NFIB: variants seen among roughly 807,000 people sequenced by gnomAD.
NFIB encodes the protein nuclear factor I B.
Under a neutral mutation model 61.5 loss-of-function variants are expected in NFIB, and 11 were observed. The ratio of observed to expected loss-of-function variants is 0.18; its 90% CI spans 0.11 to 0.30. The LOEUF (loss-of-function observed/expected upper bound fraction) is 0.30, where lower values mean the gene tolerates loss of function less well. NFIB is among the 10% of genes least tolerant of loss of function. NFIB has a pLI of 1.00. For missense variants in NFIB, 471 were observed against 608.9 expected (o/e 0.77, Z 2.38); for synonymous variants, 260 against 216.5 (o/e 1.20, Z -1.76).
chr9:14,085,147 T>TG lies in NFIB; in HGVS notation c.*3161dup, dbSNP rs575441582. On this transcript the variant is annotated 3_prime_UTR_variant, in exon 11 of 11. Coordinates refer to ENST00000380953, the MANE Select transcript of NFIB (RefSeq NM_001190737.2). The stretch of plus-strand genomic sequence containing the variant: ...TTGCACTGCTAGGATCCCGCTGTGC[T>TG]GTTCAGCATTTGGGCTATCAAACTG... The TG allele has an allele frequency of 3.7e-4, 84 of 229,792 alleles. No homozygotes were observed. The highest frequency in any genetic ancestry group is 1.6e-3 in the African/African-American group (73 of 45,290). 14.2% of individuals were successfully genotyped at this position (229,792 alleles called of 1,614,324 possible). A position where few individuals can be genotyped will look rare whatever the true frequency, so the allele number is the denominator to read the frequency against.
In NFIB at chr9:14,085,937, G is replaced by C. The variant is rs1449613317; in HGVS notation, c.*2372C>G. On this transcript the variant is annotated 3_prime_UTR_variant, in exon 11 of 11. Transcript: ENST00000380953. The stretch of plus-strand genomic sequence containing the variant: ...TTCAACAAATATTTTTGCCAAATAT[G>C]AGACAGGCTCACTCTCCACTGTGGA... 1 of 228,512 alleles carries C rather than the reference G, an allele frequency of 4.4e-6. No individual in the cohort carries two copies. Among genetic ancestry groups the C allele is most frequent in the Non-Finnish European group, 8.7e-6 (1 of 115,034 alleles). The allele number at this position is 228,512 out of a possible 1,614,324, so 14.2% of individuals were successfully genotyped here.
chr9:14,379,977 C>G (rs937577680), intron 1 of NFIB, among the ~76,000 whole-genome samples: 1 of 148,386 alleles, frequency 6.7e-6, no homozygotes, highest in African/African-American at 2.5e-5. Flanking sequence ...GCCACCGCAC[C>G]CAGTCAGATT....
chr9:14,232,561 G>C (rs1359050835), intron 2 of NFIB, among the ~76,000 whole-genome samples: 1 of 152,178 alleles, frequency 6.6e-6, no homozygotes, highest in Non-Finnish European at 1.5e-5. Flanking sequence ...TAAGACAAGG[G>C]AGACAGGAAG....
intron 2 of NFIB, among the ~76,000 whole-genome samples, chr9:14,258,338 G>A (rs1265116950): frequency 6.6e-6 from 1 of 152,212 alleles, no homozygotes; most frequent in Non-Finnish European, 1.5e-5. Flanking sequence ...AACTTTTGCT[G>A]GTGGGTGAGA....
At chr9:14,292,691 T>G (rs1291036801) in intron 2 of NFIB, among the ~76,000 whole-genome samples, 2 of 152,184 alleles carry the variant, frequency 1.3e-5, no homozygotes, top group East Asian at 1.9e-4. Flanking sequence ...TCTCTTCCAC[T>G]TCAGCAAGCT....
chr9:14,398,584 T>G, exon 1 of NFIB: 4 of 1,535,222 alleles, frequency 2.6e-6, no homozygotes, highest in Non-Finnish European at 3.5e-6. Context: ...ATTTCAGAAC[T>G]GCACAGCAGA....
At chr9:14,136,561 A>T (rs1563822608) in intron 6 of NFIB, among the ~76,000 whole-genome samples, 1 of 152,224 alleles carries the variant, frequency 6.6e-6, no homozygotes, top group African/African-American at 2.4e-5. Context: ...CCATACATTT[A>T]AAAACATTTA....
chr9:14,381,645 T>C (rs1465539133), intron 1 of NFIB, among the ~76,000 whole-genome samples: 1 of 152,196 alleles, frequency 6.6e-6, no homozygotes, highest in African/African-American at 2.4e-5. Context: ...GTGTGCACTG[T>C]GTGGAAGAAG....
chr9:14,307,650 C>A lies in NFIB; in HGVS notation c.31-130G>T. 3.4e-6 allele frequency: 3 copies of A among 875,564 alleles called. No individual in the cohort carries two copies. The highest frequency in any genetic ancestry group is 3.3e-6 in the Non-Finnish European group (2 of 609,586). The allele number at this position is 875,564 out of a possible 1,614,324, so 54.2% of individuals were successfully genotyped here. A position where few individuals can be genotyped will look rare whatever the true frequency, so the allele number is the denominator to read the frequency against. On this transcript the variant is annotated intron_variant, in intron 1 of 10. Transcript: ENST00000380953. This position sits in a 1 kb window ranked among gnomAD's most constrained non-coding sequence, Gnocchi z 5.3. ...AAAAGTTATACATGAAAATAACATT[C>A]CTTTCTTATTTAAAATTATCAAAAT...
At chr9:14,101,418 A>G (rs2118831560) in intron 10 of NFIB, among the ~76,000 whole-genome samples, 1 of 152,330 alleles carries the variant, frequency 6.6e-6, no homozygotes, top group East Asian at 1.9e-4. Context: ...ATTCTTTAAA[A>G]TCTACTCTTC....
At chr9:14,473,163 C>A in the NFIB span, among the ~76,000 whole-genome samples, 1 of 152,296 alleles carries the variant, frequency 6.6e-6, no homozygotes, top group South Asian at 2.1e-4. Flanking sequence ...TGCAGAATCT[C>A]CCTCAATATT....
At chr9:14,283,202 C>T (rs2058491712) in intron 2 of NFIB, among the ~76,000 whole-genome samples, 1 of 152,136 alleles carries the variant, frequency 6.6e-6, no homozygotes, top group African/African-American at 2.4e-5. Flanking sequence ...AACGAACTGA[C>T]ATAACTGGGT....
At chr9:14,310,976 A>G (rs545695238) in intron 1 of NFIB, among the ~76,000 whole-genome samples, 14 of 152,270 alleles carry the variant, frequency 9.2e-5, no homozygotes, top group African/African-American at 3.4e-4. Flanking sequence ...TACCTAAAGA[A>G]CTTAAAAGCA....
intron 7 of NFIB, among the ~76,000 whole-genome samples, chr9:14,123,792 C>T (rs1314851714): frequency 6.6e-6 from 1 of 151,818 alleles, no homozygotes; most frequent in Non-Finnish European, 1.5e-5. Flanking sequence ...CCAGTTTGCC[C>T]CTCTGCCTTC....
In NFIB at chr9:14,105,605, GT is replaced by G. The variant is rs559718385; in HGVS notation, c.1467+7393del. 1.1e-4 allele frequency among the ~76,000 whole-genome samples: 16 copies of G among 152,220 alleles called. No individual in the cohort carries two copies. The South Asian group carries it at 3.1e-3, about 30-fold the overall frequency. On this transcript the variant is annotated intron_variant, in intron 10 of 10. Coordinates refer to ENST00000380953, the MANE Select transcript of NFIB (RefSeq NM_001190737.2). ...CTCCCTGATAAAGTGAAATTTTAAA[GT>G]GATGGTATGGGTGGGGGATGCAATT...
At chr9:14,426,736 T>A in the NFIB span, among the ~76,000 whole-genome samples, 2 of 152,178 alleles carry the variant, frequency 1.3e-5, no homozygotes, top group Admixed American at 1.3e-4. Context: ...TAAATCCATT[T>A]GTATCCTCCT....
At chr9:14,199,776 A>AT (rs143726750) in intron 2 of NFIB, among the ~76,000 whole-genome samples, 6,020 of 149,862 alleles carry the variant, frequency 0.04, 263 homozygotes, top group African/African-American at 0.11. Flanking sequence ...TCCAGGATCC[A>AT]TTTTTTTTTT....
chr9:14,220,129 C>A (rs1165178768), intron 2 of NFIB, among the ~76,000 whole-genome samples: 1 of 152,204 alleles, frequency 6.6e-6, no homozygotes, highest in Non-Finnish European at 1.5e-5. Context: ...CGTCCACCTC[C>A]TTTCCAAGTG....
chr9:14,381,148 G>C (rs1229058202), intron 1 of NFIB, among the ~76,000 whole-genome samples: 1 of 149,478 alleles, frequency 6.7e-6, no homozygotes, highest in African/African-American at 2.5e-5. Flanking sequence ...GTGTGAATCT[G>C]TACACCATCA....
Sources: allele counts gnomAD v4.1 joint callset (sites outside exome capture counted in the v4.1 genomes callset), GRCh38; gene constraint gnomAD v4.1.1; non-coding constraint Gnocchi (gnomAD v3.1); transcripts MANE v1.5; gene names NCBI Gene and HGNC (gene_info 2026-07-23, HGNC 2026-07-21).